The following MADD variants were observed in gnomAD, a reference collection of about 807,000 sequenced individuals.
MADD encodes the protein MAP kinase activating death domain.
A neutral mutation model predicts 176.7 loss-of-function variants in MADD; 109 were observed. That is an observed-to-expected ratio of 0.62 (90% confidence interval 0.53 to 0.72). The LOEUF (loss-of-function observed/expected upper bound fraction) is 0.72. Ranked by LOEUF, MADD falls within the 30% of genes least tolerant of loss-of-function variation. MADD has a pLI of 0.00. For missense variants in MADD, 1,914 were observed against 2,045.5 expected, an observed-to-expected ratio of 0.94 and a Z score of 1.24; for synonymous variants, 771 against 771.3, an observed-to-expected ratio of 1.00 and a Z score of 0.01.
intron 22 of MADD, among the ~76,000 whole-genome samples, chr11:47,300,787 C>CT (rs2077130140): frequency 6.6e-6 from 1 of 152,154 alleles, no homozygotes; most frequent in Non-Finnish European, 1.5e-5. Context: ...CGTGAACCAC[C>CT]GTGCCCTGTG....
chr11:47,299,612 T>A (rs1484275736), intron 22 of MADD, among the ~76,000 whole-genome samples: 2 of 56,670 alleles, frequency 3.5e-5, no homozygotes, highest in Non-Finnish European at 3.1e-5. Flanking sequence ...TTTTTTTTTT[T>A]AGATGGAACC....
exon 33 of MADD, chr11:47,329,369 T>C (rs1379880478): frequency 1.4e-5 from 8 of 572,402 alleles, no homozygotes; most frequent in Non-Finnish European, 2.5e-5. Flanking sequence ...CCAAACTGCC[T>C]TCCCCTCAGG....
chr11:47,298,095 C>T (rs1339123587), intron 22 of MADD, among the ~76,000 whole-genome samples: 1 of 152,138 alleles, frequency 6.6e-6, no homozygotes, highest in Non-Finnish European at 1.5e-5. Flanking sequence ...GCCTTCTTTA[C>T]ATATTAGTTC....
At chr11:47,295,234 A>G (rs577721298) in intron 20 of MADD, among the ~76,000 whole-genome samples, 3 of 151,458 alleles carry the variant, frequency 2.0e-5, no homozygotes, top group South Asian at 4.2e-4. Flanking sequence ...CTGGTCTCCA[A>G]CTCCTGGGCT....
At chr11:47,316,113 G>A (rs2092792777) in intron 27 of MADD, among the ~76,000 whole-genome samples, 1 of 152,132 alleles carries the variant, frequency 6.6e-6, no homozygotes, top group African/African-American at 2.4e-5. Context: ...TGGGATTACA[G>A]GTGTGAGCCA....
intron 27 of MADD, among the ~76,000 whole-genome samples, chr11:47,317,406 A>T (rs567958027): frequency 6.6e-6 from 1 of 152,324 alleles, no homozygotes; most frequent in East Asian, 1.9e-4. Context: ...AGTGTCTCAT[A>T]ACACGTAATA....
chr11:47,286,636 G>A, intron 15 of MADD, 102 bp downstream of exon 15: 2 of 830,920 alleles, frequency 2.4e-6, no homozygotes, highest in Non-Finnish European at 3.9e-6. Flanking sequence ...CTTTGACCTG[G>A]TTGTCGTCCC....
chr11:47,312,287 C>T (rs1278354992), intron 26 of MADD, among the ~76,000 whole-genome samples: 1 of 152,122 alleles, frequency 6.6e-6, no homozygotes, highest in African/African-American at 2.4e-5. Flanking sequence ...CTCACTCTGT[C>T]GCCCAGGCTG....
At position 47,282,537 on chromosome 11, in the gene MADD, G is replaced by GGCCAGGACTCAGGCTGT; in HGVS notation, c.1628_1644dup (p.Glu549ProfsTer33). On this transcript the variant is annotated frameshift_variant, in exon 9 of 33. Coordinates refer to ENST00000402192, the Ensembl canonical transcript of MADD. LOFTEE classifies it high-confidence loss of function. ...GGCAGACTCCTTTTGCCGAGAAATT[G>GGCCAGGACTCAGGCTGT]GCCAGGACTCAGGCTGTGGAGTACT... The GGCCAGGACTCAGGCTGT allele has an allele frequency of 6.2e-7, 1 of 1,614,164 alleles. No individual in the cohort carries two copies.
exon 13 of MADD, chr11:47,284,959 G>A (rs761455402): frequency 1.9e-6 from 3 of 1,613,812 alleles, no homozygotes; most frequent in Non-Finnish European, 2.5e-6. Flanking sequence ...TGACTCTACG[G>A]AGATGGATGA....
rs1459967519 is a variant in MADD, at chr11:47,276,225, C to T, written c.963+23C>T. On this transcript the variant is annotated intron_variant, in intron 4 of 32. Coordinates refer to ENST00000402192, the Ensembl canonical transcript of MADD. ...AAGGTGAGAGGCAAGCTTCCTAGAC[C>T]TTTCTAGGGGAGAAACTCTTAAATA... 4 of 1,576,398 alleles carry T rather than the reference C, an allele frequency of 2.5e-6. No homozygotes were observed. The South Asian group carries it at 4.6e-5, about 18-fold the overall frequency.
At chr11:47,283,622 A>G (rs2058637256) in intron 10 of MADD, among the ~76,000 whole-genome samples, 1 of 152,096 alleles carries the variant, frequency 6.6e-6, no homozygotes, top group Non-Finnish European at 1.5e-5. Context: ...CCCAGGCTAG[A>G]GCGCAGTGGC....
At chr11:47,279,445 C>T (rs1184625677) in intron 7 of MADD, among the ~76,000 whole-genome samples, 4 of 137,982 alleles carry the variant, frequency 2.9e-5, no homozygotes, top group African/African-American at 8.3e-5. Flanking sequence ...AGTGCAGTGG[C>T]GCGATCTCGG....
At chr11:47,296,489 C>T (rs1321121023) in intron 22 of MADD, among the ~76,000 whole-genome samples, 2 of 152,070 alleles carry the variant, frequency 1.3e-5, no homozygotes, top group Non-Finnish European at 2.9e-5. Context: ...TAGTATATTC[C>T]TAACAGTTAT....
intron 22 of MADD, 35 bp downstream of exon 24, chr11:47,296,090 C>T: frequency 6.2e-7 from 1 of 1,602,718 alleles, no homozygotes. Flanking sequence ...AAAACCATTT[C>T]TTTAATGGGG....
chr11:47,289,148 TC>T, intron 15 of MADD, 121 bp downstream of exon 16: 1 of 1,060,330 alleles, frequency 9.4e-7, no homozygotes, highest in Non-Finnish European at 1.4e-6. Context: ...GCTTGCCCCG[TC>T]CCCCGTGACG....
At chr11:47,290,284 C>T in exon 18 of MADD, 1 of 1,614,068 alleles carries the variant, frequency 6.2e-7, no homozygotes, top group Non-Finnish European at 8.5e-7. Context: ...TGCCCAGACC[C>T]ACTACTATAG....
chr11:47,296,913 T>C (rs559916390), intron 22 of MADD, among the ~76,000 whole-genome samples: 4 of 152,240 alleles, frequency 2.6e-5, no homozygotes, highest in Non-Finnish European at 4.4e-5. Flanking sequence ...TAGCTGGGAC[T>C]GCAGGCATAC....
intron 2 of MADD, among the ~76,000 whole-genome samples, chr11:47,274,325 A>C (rs891874031): frequency 6.6e-6 from 1 of 152,230 alleles, no homozygotes; most frequent in Non-Finnish European, 1.5e-5. Flanking sequence ...TTAAGGTGCC[A>C]GTGATAATTT....
Sources: allele counts gnomAD v4.1 joint callset (sites outside exome capture counted in the v4.1 genomes callset), GRCh38; gene constraint gnomAD v4.1.1; transcripts MANE v1.5; gene names NCBI Gene and HGNC (gene_info 2026-07-23, HGNC 2026-07-21).